Variants in RAPGEF4 observed in about 807,000 individuals in gnomAD.
The protein encoded by RAPGEF4 is RAP guanine-nucleotide-exchange factor (GEF) 4.
Under a neutral mutation model 147.9 loss-of-function variants are expected in RAPGEF4, and 66 were observed. The observed-to-expected ratio is 0.45, with a 90% CI of 0.37 to 0.55. The LOEUF (loss-of-function observed/expected upper bound fraction) is 0.55. RAPGEF4 is among the 20% of genes least tolerant of loss of function. The probability of loss-of-function intolerance (pLI) is 0.00; values close to 1 mark genes in which losing one functional copy is unlikely to be tolerated. For synonymous variants in RAPGEF4, 419 were observed against 442.7 expected (o/e 0.95, Z 0.67); for missense variants, 1,071 against 1,257.3 (o/e 0.85, Z 2.24).
intron 4 of RAPGEF4, chr2:172,814,784 T>G (rs915828712): frequency 3.3e-6 from 1 of 302,828 alleles, no homozygotes; most frequent in African/African-American, 2.2e-5. Flanking sequence ...AAAATCATCA[T>G]TGACATGTTC....
At chr2:172,840,619 G>A (rs887605649) in intron 4 of RAPGEF4, among the ~76,000 whole-genome samples, 3 of 152,330 alleles carry the variant, frequency 2.0e-5, no homozygotes, top group South Asian at 2.1e-4. Flanking sequence ...CTGTCACATC[G>A]TGAGCACCCA....
rs141925639 is a variant in RAPGEF4 at position 172,801,418 on chromosome 2, G to A, written c.297+3805G>A. Among the ~76,000 whole-genome samples, 162 of 152,292 alleles carry A rather than the reference G, an allele frequency of 1.1e-3. 1 individual carries two copies. Among genetic ancestry groups the A allele is most frequent in the Middle Eastern group, 6.8e-3 (2 of 294 alleles). ...TGCTTTCTCATCTGAGAGCCAGAGGGATGTAGTGACAAATTCCCAAACTTA... is the reference window on the plus strand; with the variant it reads ...TGCTTTCTCATCTGAGAGCCAGAGGAATGTAGTGACAAATTCCCAAACTTA... On this transcript the variant is annotated intron_variant, in intron 3 of 30. Transcript: ENST00000397081.
chr2:172,756,208 G>A (rs1695761539), intron 1 of RAPGEF4, among the ~76,000 whole-genome samples: 1 of 152,216 alleles, frequency 6.6e-6, no homozygotes, highest in African/African-American at 2.4e-5. Flanking sequence ...AGCCAGTCCA[G>A]TTTAGAAAGA....
chr2:172,986,961 G>T (rs750790210), intron 12 of RAPGEF4, among the ~76,000 whole-genome samples: 1 of 152,172 alleles, frequency 6.6e-6, no homozygotes, highest in African/African-American at 2.4e-5. Context: ...GCCTCCCAAA[G>T]TGTTGGATTA....
At chr2:172,815,634 C>G (rs1444417762) in intron 4 of RAPGEF4, among the ~76,000 whole-genome samples, 1 of 152,094 alleles carries the variant, frequency 6.6e-6, no homozygotes, top group African/African-American at 2.4e-5. Flanking sequence ...AAAAGGTAAA[C>G]TGAAAAGTCT....
At chr2:172,741,947 A>G (rs1024291067) in intron 1 of RAPGEF4, among the ~76,000 whole-genome samples, 3 of 152,222 alleles carry the variant, frequency 2.0e-5, no homozygotes, top group African/African-American at 7.2e-5. Flanking sequence ...TGCTGGGACT[A>G]TAGGCTTAAG....
At chr2:172,831,266 C>CTTTT (rs71018521) in intron 4 of RAPGEF4, among the ~76,000 whole-genome samples, 1,146 of 53,866 alleles carry the variant, frequency 0.021, 168 homozygotes, top group African/African-American at 0.068. Context: ...AGATAGAAAA[C>CTTTT]TTTTTTTTTT....
At chr2:172,867,307 ACTGT>A (rs1694761883) in intron 4 of RAPGEF4, among the ~76,000 whole-genome samples, 1 of 152,086 alleles carries the variant, frequency 6.6e-6, no homozygotes, top group Non-Finnish European at 1.5e-5. Flanking sequence ...AAAACCTTTG[ACTGT>A]CTGTATTTTG....
intron 4 of RAPGEF4, among the ~76,000 whole-genome samples, chr2:172,851,445 G>A (rs1049904536): frequency 3.9e-5 from 6 of 152,036 alleles, no homozygotes; most frequent in Admixed American, 1.3e-4. Context: ...GTAGCTGTCC[G>A]TTAGGCCTAT....
chr2:172,822,746 C>G (rs958651631), intron 4 of RAPGEF4, among the ~76,000 whole-genome samples: 1 of 152,168 alleles, frequency 6.6e-6, no homozygotes, highest in African/African-American at 2.4e-5. Context: ...TTCCCTTGGC[C>G]GTGCACTAGC....
intron 4 of RAPGEF4, among the ~76,000 whole-genome samples, chr2:172,858,994 A>G (rs868776190): frequency 3.3e-5 from 5 of 152,340 alleles, no homozygotes; most frequent in Non-Finnish European, 7.3e-5. Context: ...TGCAGATGTC[A>G]TTAGGATTAG....
intron 1 of RAPGEF4, among the ~76,000 whole-genome samples, chr2:172,750,474 G>A (rs1695178961): frequency 6.6e-6 from 1 of 151,984 alleles, no homozygotes; most frequent in African/African-American, 2.4e-5. Flanking sequence ...AACAGTATGG[G>A]GGAAACTGCT....
At chr2:172,852,862 C>T (rs1575042862) in intron 4 of RAPGEF4, among the ~76,000 whole-genome samples, 1 of 152,074 alleles carries the variant, frequency 6.6e-6, no homozygotes, top group East Asian at 1.9e-4. Context: ...TGTTTCTGAA[C>T]ATATTAGTAA....
intron 17 of RAPGEF4, among the ~76,000 whole-genome samples, chr2:173,003,611 A>G (rs901676860): frequency 6.6e-6 from 1 of 152,116 alleles, no homozygotes; most frequent in Non-Finnish European, 1.5e-5. Context: ...AGTTACCCCC[A>G]GCCCCCACAA....
intron 6 of RAPGEF4, among the ~76,000 whole-genome samples, chr2:172,949,520 A>T (rs1688007046): frequency 6.6e-6 from 1 of 152,180 alleles, no homozygotes; most frequent in South Asian, 2.1e-4. Context: ...GTTTCATCTG[A>T]TGCATTGATT....
intron 11 of RAPGEF4, among the ~76,000 whole-genome samples, 193 bp downstream of exon 11, chr2:172,983,773 T>A (rs1424132309): frequency 6.6e-6 from 1 of 152,196 alleles, no homozygotes; most frequent in Non-Finnish European, 1.5e-5. Flanking sequence ...AATTTTGTCC[T>A]ATTATTGGTA....
chr2:172,950,551 G>A (rs940892986), intron 6 of RAPGEF4, among the ~76,000 whole-genome samples: 1 of 151,942 alleles, frequency 6.6e-6, no homozygotes, highest in Non-Finnish European at 1.5e-5. Context: ...GTATTCTTGT[G>A]TTTTTATCTA....
At chr2:172,842,089 A>G (rs1691678112) in intron 4 of RAPGEF4, among the ~76,000 whole-genome samples, 1 of 152,174 alleles carries the variant, frequency 6.6e-6, no homozygotes, top group Non-Finnish European at 1.5e-5. Flanking sequence ...ACCATCTGTT[A>G]TGTGTAAGAT....
intron 15 of RAPGEF4, among the ~76,000 whole-genome samples, chr2:172,995,243 GTT>G (rs947698664): frequency 1.1e-4 from 10 of 92,624 alleles, no homozygotes; most frequent in African/African-American, 1.1e-4. Context: ...TTACTTGCCT[GTT>G]TGTGTGTGTG....
Sources: allele counts gnomAD v4.1 joint callset (sites outside exome capture counted in the v4.1 genomes callset), GRCh38; gene constraint gnomAD v4.1.1; transcripts MANE v1.5; gene names NCBI Gene and HGNC (gene_info 2026-07-23, HGNC 2026-07-21).